The following APBA1 variants were observed in gnomAD, a reference collection of about 807,000 sequenced individuals.
APBA1 encodes amyloid-beta A4 precursor protein-binding family A member 1.
In APBA1, 55 loss-of-function variants were observed where a neutral mutation model predicts 86.6. The ratio of observed to expected loss-of-function variants is 0.64; its 90% CI spans 0.51 to 0.80. APBA1 has a LOEUF of 0.80. APBA1 is among the 30% of genes least tolerant of loss of function. APBA1 has a pLI of 0.00. For synonymous variants in APBA1, 511 were observed against 493.9 expected (o/e 1.03, Z -0.46); for missense variants, 1,090 against 1,183.0 (o/e 0.92, Z 1.15).
At chr9:69,640,783 T>C (rs1019752395) in intron 1 of APBA1, among the ~76,000 whole-genome samples, 11 of 152,130 alleles carry the variant, frequency 7.2e-5, no homozygotes, top group Admixed American at 1.3e-4. Flanking sequence ...GAAGGAAAGT[T>C]GATGAAGAGC....
chr9:69,486,282 A>G (rs1487049638), intron 2 of APBA1, among the ~76,000 whole-genome samples: 1 of 152,010 alleles, frequency 6.6e-6, no homozygotes, highest in Non-Finnish European at 1.5e-5. Flanking sequence ...CATCTCTCTT[A>G]GGGGCAAAGA....
intron 11 of APBA1, 52 bp downstream of exon 11, chr9:69,440,944 C>A: frequency 6.3e-7 from 1 of 1,590,694 alleles, no homozygotes; most frequent in Non-Finnish European, 8.6e-7. Flanking sequence ...AGCCATGCTA[C>A]ATTTTTATTT....
At chr9:69,464,840 C>T (rs1835250396) in intron 5 of APBA1, 1 of 152,154 alleles carries the variant, frequency 6.6e-6, no homozygotes, top group Non-Finnish European at 1.5e-5. Flanking sequence ...CATAAGGGGA[C>T]TGGAAAGGCA....
chr9:69,505,232 A>G (rs1025354273), intron 2 of APBA1, among the ~76,000 whole-genome samples: 1 of 152,232 alleles, frequency 6.6e-6, no homozygotes, highest in South Asian at 2.1e-4. Context: ...TGACAGGCGC[A>G]CAGCCATCTT....
At chr9:69,630,309 C>T (rs546338677) in intron 1 of APBA1, among the ~76,000 whole-genome samples, 4 of 152,256 alleles carry the variant, frequency 2.6e-5, no homozygotes, top group Admixed American at 6.5e-5. Flanking sequence ...GGGACCAGAT[C>T]GCACAGAATT....
intron 1 of APBA1, among the ~76,000 whole-genome samples, chr9:69,638,317 C>T (rs1284655120): frequency 2.0e-5 from 3 of 152,116 alleles, no homozygotes; most frequent in African/African-American, 7.2e-5. Context: ...CTCAGCTCAC[C>T]GCAACATCCG....
chr9:69,535,502 G>A (rs984521837), intron 1 of APBA1, among the ~76,000 whole-genome samples: 1 of 152,118 alleles, frequency 6.6e-6, no homozygotes, highest in Non-Finnish European at 1.5e-5. Flanking sequence ...TGTGCACTTG[G>A]TAGGCCACTC....
chr9:69,634,261 T>C lies in APBA1; in HGVS notation c.-70+37892A>G, dbSNP rs114698030. On this transcript the variant is annotated intron_variant, in intron 1 of 12. Coordinates refer to ENST00000265381, the MANE Select transcript of APBA1 (RefSeq NM_001163.4). Reference sequence around the variant, plus strand: ...AACACAGTGACTGAAGAACTTTGCATTGAAACTCAGTGCTGCCTTGTTGCA... The same window carrying C: ...AACACAGTGACTGAAGAACTTTGCACTGAAACTCAGTGCTGCCTTGTTGCA... Among the ~76,000 whole-genome samples the C allele has an allele frequency of 7.9e-3, 1,195 of 152,190 alleles. 13 individuals are homozygous for C. Among genetic ancestry groups the C allele is most frequent in the African/African-American group, 0.027 (1,103 of 41,520 alleles).
At chr9:69,612,201 C>T (rs1470483400) in intron 1 of APBA1, among the ~76,000 whole-genome samples, 10 of 151,974 alleles carry the variant, frequency 6.6e-5, no homozygotes, top group Admixed American at 6.6e-4. Flanking sequence ...TATAGGTGAA[C>T]TCCAGATATT....
chr9:69,492,357 G>A (rs749248193), intron 2 of APBA1, among the ~76,000 whole-genome samples: 8 of 152,118 alleles, frequency 5.3e-5, no homozygotes, highest in African/African-American at 1.7e-4. Context: ...TTTATGATCT[G>A]AACAGTTAGA....
intron 10 of APBA1, among the ~76,000 whole-genome samples, chr9:69,447,169 A>C (rs1272280744): frequency 1.3e-5 from 2 of 152,060 alleles, no homozygotes; most frequent in African/African-American, 4.8e-5. Context: ...CCCTCCTGCT[A>C]ATCACTTCCT....
intron 2 of APBA1, among the ~76,000 whole-genome samples, chr9:69,504,649 C>T (rs1041913805): frequency 6.6e-6 from 1 of 152,000 alleles, no homozygotes; most frequent in African/African-American, 2.4e-5. Flanking sequence ...GGAATACACT[C>T]ATCTGTTGGG....
chr9:69,495,439 G>A (rs1288806394), intron 2 of APBA1, among the ~76,000 whole-genome samples: 2 of 152,038 alleles, frequency 1.3e-5, no homozygotes, highest in African/African-American at 2.4e-5. Flanking sequence ...CTTGAGAGCC[G>A]AGGCTAAGTC....
intron 1 of APBA1, among the ~76,000 whole-genome samples, chr9:69,546,449 G>A (rs1309808374): frequency 6.6e-6 from 1 of 152,174 alleles, no homozygotes; most frequent in Non-Finnish European, 1.5e-5. Context: ...CAAGAAAACT[G>A]GAGGGAGTAA....
chr9:69,578,795 G>GT (rs1243497357), intron 1 of APBA1, among the ~76,000 whole-genome samples: 1 of 152,156 alleles, frequency 6.6e-6, no homozygotes, highest in Non-Finnish European at 1.5e-5. Context: ...TGCAACAATA[G>GT]TATGTCTGCA....
chr9:69,657,630 G>C (rs1259253266), intron 1 of APBA1, among the ~76,000 whole-genome samples: 3 of 152,136 alleles, frequency 2.0e-5, no homozygotes, highest in Non-Finnish European at 4.4e-5. Context: ...ATAATACTTA[G>C]ATTGGCTAAT....
chr9:69,537,183 G>A (rs1836526760), intron 1 of APBA1, among the ~76,000 whole-genome samples: 1 of 151,734 alleles, frequency 6.6e-6, no homozygotes, highest in Non-Finnish European at 1.5e-5. Context: ...GGTAGGAAGA[G>A]GGCAGGAAAC....
intron 1 of APBA1, among the ~76,000 whole-genome samples, chr9:69,606,449 C>T (rs904951934): frequency 8.0e-6 from 1 of 124,794 alleles, no homozygotes; most frequent in African/African-American, 2.9e-5. Context: ...AGAAGTTAAA[C>T]AAGGTTGACA....
chr9:69,580,815 A>G (rs1001355236), intron 1 of APBA1, among the ~76,000 whole-genome samples: 5 of 152,132 alleles, frequency 3.3e-5, no homozygotes, highest in African/African-American at 1.2e-4. Context: ...AACTTCGCAT[A>G]TCCCTCTCCA....
Sources: gnomAD v4.1 joint callset for allele counts (sites outside exome capture counted in the v4.1 genomes callset) on GRCh38, gnomAD v4.1.1 for gene constraint, MANE v1.5 for transcripts, NCBI Gene and HGNC (gene_info 2026-07-23, HGNC 2026-07-21) for gene names.